The following EPB41L4B variants were observed in gnomAD, a reference collection of about 807,000 sequenced individuals.
The protein encoded by EPB41L4B is erythrocyte membrane protein band 4.1 like 4B, also known as band 4.1-like protein 4B.
EPB41L4B carries 30 observed loss-of-function variants against 112.5 expected under a neutral mutation model. The ratio of observed to expected loss-of-function variants is 0.27; its 90% CI spans 0.20 to 0.36. The LOEUF is 0.36. Ranked by LOEUF, EPB41L4B falls within the 10% of genes least tolerant of loss-of-function variation. The pLI is 1.00. For missense variants in EPB41L4B, 1,024 were observed against 1,133.3 expected (o/e 0.90, Z 1.38); for synonymous variants, 408 against 439.7 (o/e 0.93, Z 0.90).
intron 17 of EPB41L4B, among the ~76,000 whole-genome samples, chr9:109,212,918 C>A (rs1443185242): frequency 6.6e-6 from 1 of 152,194 alleles, no homozygotes; most frequent in East Asian, 1.9e-4. Flanking sequence ...AAAGAGTCAT[C>A]AGGCCAAAAT....
chr9:109,209,283 G>A (rs572373438), intron 17 of EPB41L4B, among the ~76,000 whole-genome samples: 17 of 151,942 alleles, frequency 1.1e-4, no homozygotes, highest in African/African-American at 3.9e-4. Flanking sequence ...AGACCAAGCA[G>A]AACTTTCCAA....
At chr9:109,241,198 C>T in intron 15 of EPB41L4B, 13 of 986,358 alleles carry the variant, frequency 1.3e-5, no homozygotes, top group Non-Finnish European at 1.6e-5. Flanking sequence ...TAGTCCAACC[C>T]TCTCTTTTCA....
intron 1 of EPB41L4B, among the ~76,000 whole-genome samples, chr9:109,292,777 G>C (rs10120388): frequency 0.93 from 141,927 of 152,296 alleles, 66,291 homozygotes; most frequent in East Asian, 1. Flanking sequence ...GAGCCTGTCA[G>C]TGCATCAACC....
chr9:109,232,142 C>T (rs964711374), intron 15 of EPB41L4B, among the ~76,000 whole-genome samples: 13 of 152,030 alleles, frequency 8.6e-5, no homozygotes, highest in Non-Finnish European at 1.9e-4. Context: ...CAGATGTGTG[C>T]CACCACACCT....
chr9:109,255,404 A>T, intron 11 of EPB41L4B, 107 bp downstream of exon 11: 1 of 1,354,902 alleles, frequency 7.4e-7, no homozygotes, highest in Non-Finnish European at 1.0e-6. Context: ...GGGACACACA[A>T]CCTAAGTTTC....
rs1198542568 is a variant in EPB41L4B, at chr9:109,320,477, C to A, written c.-31G>T. ...CTGGGGGCGCCCCCTGCCTCCGCCCCCTGCGCTGCCGCTGCCGCTGCCGCT... is the reference window on the plus strand; with the variant it reads ...CTGGGGGCGCCCCCTGCCTCCGCCCACTGCGCTGCCGCTGCCGCTGCCGCT... On this transcript the variant is annotated 5_prime_UTR_variant, in exon 1 of 26. Transcript: ENST00000374566. 6.1e-6 allele frequency: 6 copies of A among 976,042 alleles called. No homozygotes were observed. The African/African-American group carries it at 1.1e-4, about 18-fold the overall frequency. 60.5% of individuals were successfully genotyped at this position (976,042 alleles called of 1,614,324 possible).
At position 109,200,321 on chromosome 9, in the gene EPB41L4B, T is replaced by C. The variant is rs199851611; in HGVS notation, c.1960A>G (p.Ile654Val). Residue 654 changes from isoleucine to valine, a missense_variant, in exon 20 of 26, where the codon ATT (isoleucine) becomes GTT (valine). Transcript: ENST00000374566. ...QDASVRSPIP[I>V]RVETAQPAVE... ...GCTGGCTGGGCAGTTTCCACACGAATAGGAATAGGACTTCTAGAGACACAC... is the reference window on the plus strand; with the variant it reads ...GCTGGCTGGGCAGTTTCCACACGAACAGGAATAGGACTTCTAGAGACACAC... 5.0e-6 allele frequency: 8 copies of C among 1,614,024 alleles called. No homozygotes were observed. In the East Asian group the frequency reaches 1.3e-4, roughly 27 times the overall value.
chr9:109,181,864 G>A (rs1200625339), intron 24 of EPB41L4B, among the ~76,000 whole-genome samples: 2 of 152,160 alleles, frequency 1.3e-5, no homozygotes, highest in Middle Eastern at 3.4e-3. Context: ...CAATAAATGA[G>A]TGGATAAACA....
chr9:109,233,375 T>C (rs1205884526), intron 15 of EPB41L4B, among the ~76,000 whole-genome samples: 2 of 152,098 alleles, frequency 1.3e-5, no homozygotes, highest in Non-Finnish European at 2.9e-5. Context: ...GAAGCCTGAG[T>C]GGAAAGTTAT....
At chr9:109,290,516 C>T (rs907648644) in intron 1 of EPB41L4B, among the ~76,000 whole-genome samples, 15 of 151,962 alleles carry the variant, frequency 9.9e-5, no homozygotes, top group African/African-American at 3.6e-4. Flanking sequence ...CCTTAAACAC[C>T]CCTAGTTTAA....
intron 13 of EPB41L4B, 93 bp downstream of exon 13, chr9:109,251,388 C>T (rs1834782446): frequency 8.0e-7 from 1 of 1,253,230 alleles, no homozygotes; most frequent in East Asian, 2.3e-5. Context: ...TGACACACTT[C>T]CTGATTTCAC....
rs752403352 is a variant in EPB41L4B at position 109,321,008 on chromosome 9, AGCCGCCGCCGCCGCCGCC to A, written c.-580_-563del. The A allele has an allele frequency of 4.2e-4, 76 of 181,302 alleles. No homozygotes were observed. The highest frequency in any genetic ancestry group is 5.3e-3 in the Middle Eastern group (2 of 378). 11.2% of individuals were successfully genotyped at this position (181,302 alleles called of 1,614,324 possible). On this transcript the variant is annotated 5_prime_UTR_variant, in exon 1 of 26. Coordinates refer to ENST00000374566, the MANE Select transcript of EPB41L4B (RefSeq NM_019114.5). ...CTCCCACCTGGGAGGCTGCACCTCCAGCCGCCGCCGCCGCCGCCGCCGCCGCTGCCGCCGGGACTGCAG... is the reference window on the plus strand; with the variant it reads ...CTCCCACCTGGGAGGCTGCACCTCCAGCCGCCGCTGCCGCCGGGACTGCAG...
rs1319442420 is a variant in EPB41L4B, at chr9:109,172,417, G to A, written c.*2137C>T. 1.3e-5 allele frequency: 2 copies of A among 152,162 alleles called. No individual in the cohort carries two copies. Among genetic ancestry groups the A allele is most frequent in the African/African-American group, 4.8e-5 (2 of 41,432 alleles). 9.4% of individuals were successfully genotyped at this position (152,162 alleles called of 1,614,324 possible). On this transcript the variant is annotated 3_prime_UTR_variant, in exon 26 of 26. Transcript: ENST00000374566. The stretch of plus-strand genomic sequence containing the variant: ...GTGCACAAGATAAAGAACAGCTAAA[G>A]CTGTTTTAAAAGTATAGCCGGGGGA...
At chr9:109,318,520 C>T (rs1437928828) in intron 1 of EPB41L4B, among the ~76,000 whole-genome samples, 1 of 152,148 alleles carries the variant, frequency 6.6e-6, no homozygotes, top group African/African-American at 2.4e-5. Flanking sequence ...AAACCACCGG[C>T]AAGGAGCACT....
Position 109,177,826 on chromosome 9 carries a change from A to T in EPB41L4B, c.2488-1130T>A, listed in dbSNP as rs180675011. On this transcript the variant is annotated intron_variant, in intron 24 of 25. Transcript: ENST00000374566. ...ACAGAGCGAGACTCTGTCTCAAAAA[A>T]AAAAAAAAGTAGATCAATGAAGAAA... is the stretch of plus-strand genomic sequence containing the variant. Among the ~76,000 whole-genome samples, 532 of 151,700 alleles carry T rather than the reference A, an allele frequency of 3.5e-3. 4 individuals carry two copies. Among genetic ancestry groups the T allele is most frequent in the African/African-American group, 0.012 (483 of 41,370 alleles).
intron 2 of EPB41L4B, among the ~76,000 whole-genome samples, chr9:109,276,118 T>C (rs1007077572): frequency 3.4e-5 from 5 of 148,884 alleles, no homozygotes; most frequent in Non-Finnish European, 7.4e-5. Flanking sequence ...TATACACATA[T>C]ATAGTGTATA....
chr9:109,194,233 G>A lies in EPB41L4B; in HGVS notation c.2210C>T (p.Ser737Phe). The change falls in exon 21 of 26, where the codon TCC becomes TTC. Residue 737 changes from serine (S) to phenylalanine (F), a missense_variant. Coordinates refer to ENST00000374566, the MANE Select transcript of EPB41L4B (RefSeq NM_019114.5). ...ACCCCCCAATACCTTGGCCCCAGGG[G>A]ACAGCAGGCCTTTGCCTTCTGACTT... ...PHKSEGKGLL[S>F]PGAKSPSDRG... 1 of 1,614,196 alleles carries A rather than the reference G, an allele frequency of 6.2e-7. No individual in the cohort carries two copies. The highest frequency in any genetic ancestry group is 8.5e-7 in the Non-Finnish European group (1 of 1,180,004).
intron 1 of EPB41L4B, among the ~76,000 whole-genome samples, chr9:109,282,751 T>C (rs964064515): frequency 6.6e-6 from 1 of 152,098 alleles, no homozygotes; most frequent in East Asian, 1.9e-4. Context: ...AGTGCAGTGG[T>C]GCAATCTTGA....
chr9:109,185,460 C>A, intron 23 of EPB41L4B, 29 bp downstream of exon 23: 1 of 1,599,856 alleles, frequency 6.3e-7, no homozygotes. Flanking sequence ...CTCTCCTGGC[C>A]AGGCCCCTCT....
Sources: allele counts gnomAD v4.1 joint callset (sites outside exome capture counted in the v4.1 genomes callset), GRCh38; gene constraint gnomAD v4.1.1; transcripts MANE v1.5; gene names NCBI Gene and HGNC (gene_info 2026-07-23, HGNC 2026-07-21).